The following MACROD2 variants were observed in gnomAD, a reference collection of about 807,000 sequenced individuals.
MACROD2 encodes the protein mono-ADP ribosylhydrolase 2, also known as ADP-ribose glycohydrolase MACROD2.
Under a neutral mutation model 70.4 loss-of-function variants are expected in MACROD2, and 36 were observed. The ratio of observed to expected loss-of-function variants is 0.51; its 90% confidence interval spans 0.39 to 0.68. The LOEUF (loss-of-function observed/expected upper bound fraction) is 0.68. Among genes scored for constraint, MACROD2 ranks in the 30% least tolerant of loss-of-function variants. The pLI, the probability that MACROD2 is intolerant of heterozygous loss-of-function variation, is 0.00. For synonymous variants in MACROD2, 172 were observed against 178.8 expected, an observed-to-expected ratio of 0.96 and a Z score of 0.30; for missense variants, 496 against 538.4, an observed-to-expected ratio of 0.92 and a Z score of 0.78.
intron 7 of MACROD2, among the ~76,000 whole-genome samples, chr20:15,434,116 G>A (rs1273133392): frequency 2.0e-5 from 3 of 151,822 alleles, no homozygotes; most frequent in Admixed American, 2.0e-4. Context: ...CTAGACACTG[G>A]CTTAGGCAAA....
At chr20:14,717,474 G>T (rs955894835) in intron 5 of MACROD2, among the ~76,000 whole-genome samples, 2 of 150,786 alleles carry the variant, frequency 1.3e-5, no homozygotes, top group African/African-American at 4.9e-5. Context: ...AATGCTTAAA[G>T]ATCCTTACTT....
At chr20:15,592,860 T>C (rs2048696865) in intron 8 of MACROD2, among the ~76,000 whole-genome samples, 1 of 152,188 alleles carries the variant, frequency 6.6e-6, no homozygotes, top group Non-Finnish European at 1.5e-5. Context: ...TTTTCAAAGC[T>C]TTCTCTTCTT....
chr20:15,461,006 A>ATATTTTTT, intron 7 of MACROD2, among the ~76,000 whole-genome samples: 3 of 67,018 alleles, frequency 4.5e-5, no homozygotes, highest in Non-Finnish European at 6.6e-5. Context: ...ATATATATAT[A>ATATTTTTT]TTTTTTTTTA....
intron 4 of MACROD2, among the ~76,000 whole-genome samples, chr20:14,595,091 CATTCAACAATCAAAT>C (rs1982035858): frequency 6.6e-6 from 1 of 152,116 alleles, no homozygotes; most frequent in African/African-American, 2.4e-5. Flanking sequence ...TTTGTTCACT[CATTCAACAATCAAAT>C]AAACAACTCA....
intron 5 of MACROD2, among the ~76,000 whole-genome samples, chr20:14,845,859 C>G (rs893158264): frequency 1.3e-5 from 2 of 152,014 alleles, no homozygotes; most frequent in African/African-American, 4.8e-5. Flanking sequence ...AAAAATGTTC[C>G]TTCCCCCAAA....
rs138620441 is a variant in MACROD2, at chr20:15,328,900, G to A, written c.540+98839G>A. Among the ~76,000 whole-genome samples, 1,249 of 152,068 alleles carry A rather than the reference G, an allele frequency of 8.2e-3. 8 individuals carry two copies. The highest frequency in any genetic ancestry group is 0.011 in the Non-Finnish European group (736 of 67,982). On this transcript the variant is annotated intron_variant, in intron 6 of 17. Coordinates refer to ENST00000684519, the MANE Select transcript of MACROD2 (RefSeq NM_001351661.2). ...AGTATAATAGTATATAATAGTGTGC[G>A]TATATATGTATATATAAAATAGTGA...
intron 5 of MACROD2, among the ~76,000 whole-genome samples, chr20:15,017,144 G>A (rs868758068): frequency 4.6e-5 from 7 of 152,266 alleles, no homozygotes; most frequent in African/African-American, 1.7e-4. Context: ...CTGCCTATGA[G>A]CCTGTAAAAT....
intron 5 of MACROD2, among the ~76,000 whole-genome samples, chr20:15,056,996 C>G (rs949634589): frequency 6.6e-6 from 1 of 151,968 alleles, no homozygotes; most frequent in Non-Finnish European, 1.5e-5. Context: ...CTGACCAACC[C>G]GAAACAGAAG....
chr20:15,052,369 C>T (rs1298737509), intron 5 of MACROD2, among the ~76,000 whole-genome samples: 2 of 152,150 alleles, frequency 1.3e-5, no homozygotes, highest in Non-Finnish European at 2.9e-5. Context: ...AGGTTTGTGG[C>T]AACCTTGTAT....
intron 7 of MACROD2, among the ~76,000 whole-genome samples, chr20:15,475,155 G>A (rs1478653646): frequency 6.6e-6 from 1 of 152,162 alleles, no homozygotes; most frequent in African/African-American, 2.4e-5. Context: ...AAGAGGATGT[G>A]CATAGGTTGT....
chr20:14,757,004 C>T (rs1475818946), intron 5 of MACROD2, among the ~76,000 whole-genome samples: 1 of 152,086 alleles, frequency 6.6e-6, no homozygotes, highest in Non-Finnish European at 1.5e-5. Context: ...CCTGAGGCCT[C>T]CCCAGCCATG....
intron 10 of MACROD2, among the ~76,000 whole-genome samples, chr20:15,904,136 T>C (rs941238359): frequency 2.6e-5 from 4 of 152,206 alleles, no homozygotes; most frequent in African/African-American, 7.2e-5. Flanking sequence ...GGGAAGGCCA[T>C]AGTAGCGCAC....
intron 8 of MACROD2, among the ~76,000 whole-genome samples, chr20:15,763,079 G>A (rs2051462715): frequency 6.6e-6 from 1 of 152,180 alleles, no homozygotes; most frequent in African/African-American, 2.4e-5. Flanking sequence ...TAAAAGCCAA[G>A]AGGATGTTTT....
At chr20:15,934,942 G>A (rs1164368040) in intron 11 of MACROD2, among the ~76,000 whole-genome samples, 2 of 152,040 alleles carry the variant, frequency 1.3e-5, no homozygotes, top group Admixed American at 6.5e-5. Flanking sequence ...GCCCGCCTAA[G>A]CCTCCCAAAG....
chr20:15,155,150 A>G (rs1270593162), intron 5 of MACROD2, among the ~76,000 whole-genome samples: 1 of 152,202 alleles, frequency 6.6e-6, no homozygotes, highest in Non-Finnish European at 1.5e-5. Context: ...AACTGTTGCT[A>G]GTATATAGTG....
chr20:14,387,041 C>G (rs2083475305), intron 3 of MACROD2, among the ~76,000 whole-genome samples: 1 of 152,208 alleles, frequency 6.6e-6, no homozygotes, highest in Non-Finnish European at 1.5e-5. Context: ...TTGATGTTCT[C>G]TGCTTACTCA....
At chr20:15,315,164 C>A (rs756023222) in intron 6 of MACROD2, among the ~76,000 whole-genome samples, 1 of 152,046 alleles carries the variant, frequency 6.6e-6, no homozygotes, top group Non-Finnish European at 1.5e-5. Flanking sequence ...CCTAAAAAAC[C>A]TGTAATATGT....
intron 3 of MACROD2, among the ~76,000 whole-genome samples, chr20:14,382,060 ATTT>A (rs11475740): frequency 9.8e-5 from 12 of 122,466 alleles, no homozygotes; most frequent in Non-Finnish European, 1.0e-4. Context: ...AATGGGATTG[ATTT>A]TTTTTTTTTT....
At chr20:14,034,402 C>G (rs1044819003) in intron 2 of MACROD2, among the ~76,000 whole-genome samples, 25 of 152,148 alleles carry the variant, frequency 1.6e-4, no homozygotes, top group African/African-American at 5.8e-4. Context: ...GTAACTAATA[C>G]AGTATGTTCT....
Sources: gnomAD v4.1 joint callset for allele counts (sites outside exome capture counted in the v4.1 genomes callset) on GRCh38, gnomAD v4.1.1 for gene constraint, MANE v1.5 for transcripts, NCBI Gene and HGNC (gene_info 2026-07-23, HGNC 2026-07-21) for gene names.